Variants in DGKG observed in about 807,000 individuals in gnomAD.
The protein encoded by DGKG is DAG kinase gamma.
A neutral mutation model predicts 105.3 loss-of-function variants in DGKG; 78 were observed. That is an observed-to-expected ratio of 0.74 (90% confidence interval 0.62 to 0.89). The LOEUF (loss-of-function observed/expected upper bound fraction) is 0.89, where lower values mean the gene tolerates loss of function less well. Among genes scored for constraint, DGKG ranks in the 40% least tolerant of loss-of-function variants. The pLI, the probability that DGKG is intolerant of heterozygous loss-of-function variation, is 0.00. For missense variants in DGKG, 958 were observed against 1,020.1 expected (o/e 0.94, Z 0.83); for synonymous variants, 346 against 367.1 (o/e 0.94, Z 0.66).
intron 5 of DGKG, among the ~76,000 whole-genome samples, chr3:186,297,068 T>TCTCTCTCTCACACA: frequency 7.7e-6 from 1 of 130,506 alleles, no homozygotes; most frequent in South Asian, 2.8e-4. Flanking sequence ...TCTGTCTCTC[T>TCTCTCTCTCACACA]CACACACACA....
In DGKG at chr3:186,299,880, G is replaced by A. The variant is rs531946412; in HGVS notation, c.145-1651C>T. Among the ~76,000 whole-genome samples, 7 of 137,294 alleles carry A rather than the reference G, an allele frequency of 5.1e-5. No individual in the cohort carries two copies. The East Asian group carries it at 1.5e-3, about 30-fold the overall frequency. The allele number at this position is 137,294 out of a possible 152,430, so 90.1% of individuals were successfully genotyped here. A position where few individuals can be genotyped will look rare whatever the true frequency, so the allele number is the denominator to read the frequency against. ...GATAGAGCCTTGCTCTGTCACCCAGGCTGGAGTGTAGTGGCACGATCTCAG... is the reference window on the plus strand; with the variant it reads ...GATAGAGCCTTGCTCTGTCACCCAGACTGGAGTGTAGTGGCACGATCTCAG... On this transcript the variant is annotated intron_variant, in intron 3 of 24. Transcript: ENST00000265022.
At chr3:186,324,918 G>A (rs1173906179) in intron 1 of DGKG, among the ~76,000 whole-genome samples, 2 of 152,214 alleles carry the variant, frequency 1.3e-5, no homozygotes, top group Non-Finnish European at 2.9e-5. Flanking sequence ...ATTCACAGTA[G>A]CAAAGGCATG....
chr3:186,265,334 C>T, intron 13 of DGKG, 28 bp from the exon 14 acceptor site: 1 of 1,611,456 alleles, frequency 6.2e-7, no homozygotes, highest in Non-Finnish European at 8.5e-7. Context: ...AGACAAGCAT[C>T]TTTTGGAAAA....
At chr3:186,273,196 C>T (rs1722401646) in intron 10 of DGKG, among the ~76,000 whole-genome samples, 1 of 152,084 alleles carries the variant, frequency 6.6e-6, no homozygotes, top group African/African-American at 2.4e-5. Flanking sequence ...TTGTGTAAAG[C>T]ATCACGTGTC....
At chr3:186,247,945 T>A (rs1449084262) in intron 19 of DGKG, among the ~76,000 whole-genome samples, 1 of 152,146 alleles carries the variant, frequency 6.6e-6, no homozygotes, top group African/African-American at 2.4e-5. Context: ...GACAATTAAT[T>A]AGCCAGCCAG....
At chr3:186,260,924 T>C (rs1439681503) in intron 15 of DGKG, among the ~76,000 whole-genome samples, 1 of 152,032 alleles carries the variant, frequency 6.6e-6, no homozygotes, top group Non-Finnish European at 1.5e-5. Context: ...GACCCCCTCC[T>C]CCCCAGGGAG....
At chr3:186,304,236 T>A (rs1298466931) in intron 3 of DGKG, among the ~76,000 whole-genome samples, 1 of 152,184 alleles carries the variant, frequency 6.6e-6, no homozygotes, top group Admixed American at 6.5e-5. Context: ...GTTCCCGTGT[T>A]TTTGGAGCTG....
In DGKG at chr3:186,287,139, G is replaced by A. The variant is rs192258110; in HGVS notation, c.544+1571C>T. On this transcript the variant is annotated intron_variant, in intron 6 of 24. Transcript: ENST00000265022. ...AAGAGACATAATAACCAGTGGTGAT[G>A]TATGAATTTTACTCGGATCCTGATT... 2.1e-3 allele frequency among the ~76,000 whole-genome samples: 321 copies of A among 152,228 alleles called. 3 individuals carry two copies. The highest frequency in any genetic ancestry group is 7.5e-3 in the African/African-American group (312 of 41,542).
chr3:186,282,979 G>A (rs1279272975), intron 7 of DGKG, among the ~76,000 whole-genome samples: 2 of 151,604 alleles, frequency 1.3e-5, no homozygotes, highest in African/African-American at 4.8e-5. Flanking sequence ...CGTGATCTTG[G>A]CTCACTGCAA....
rs1289998674 is a variant in DGKG, at chr3:186,210,690, G to A, written c.1917+1105C>T. On this transcript the variant is annotated intron_variant, in intron 21 of 24. Coordinates refer to ENST00000265022, the MANE Select transcript of DGKG (RefSeq NM_001346.3). This position sits in a 1 kb window ranked among gnomAD's most constrained non-coding sequence, Gnocchi z 5.2. ...TTTCCTACACCACTCCAGGCCACAG[G>A]TGCCTCCTCCAGGGAGGCCCAGGCC... 5 of 446,462 alleles carry A rather than the reference G, an allele frequency of 1.1e-5. No individual in the cohort carries two copies. Among genetic ancestry groups the A allele is most frequent in the Non-Finnish European group, 1.8e-5 (4 of 223,248 alleles). 27.7% of individuals were successfully genotyped at this position (446,462 alleles called of 1,614,324 possible). A position where few individuals can be genotyped will look rare whatever the true frequency, so the allele number is the denominator to read the frequency against.
Position 186,148,546 on chromosome 3 carries a change from A to AT in DGKG, c.*1543_*1544insA, listed in dbSNP as rs1715603818. 1 of 985,278 alleles carries AT rather than the reference A, an allele frequency of 1.0e-6. No homozygotes were observed. The highest frequency in any genetic ancestry group is 1.2e-6 in the Non-Finnish European group (1 of 829,944). 61.0% of individuals were successfully genotyped at this position (985,278 alleles called of 1,614,324 possible). ...TGGCAACCTGGATCCAAGTGGACTC[A>AT]CTTTTCAGTGACCAGAAATGACCCT... On this transcript the variant is annotated 3_prime_UTR_variant, in exon 25 of 25. Coordinates refer to ENST00000265022, the MANE Select transcript of DGKG (RefSeq NM_001346.3).
chr3:186,209,093 CTTTTTTT>C (rs34226259), intron 21 of DGKG, among the ~76,000 whole-genome samples: 4 of 89,838 alleles, frequency 4.5e-5, no homozygotes, highest in African/African-American at 1.4e-4. Flanking sequence ...GTTTACTCTT[CTTTTTTT>C]TTTTTTTTTT....
chr3:186,189,559 T>C (rs1717806611), intron 21 of DGKG, among the ~76,000 whole-genome samples: 1 of 152,178 alleles, frequency 6.6e-6, no homozygotes, highest in African/African-American at 2.4e-5. Context: ...GTCTTTATGT[T>C]GTTTATTGGG....
chr3:186,304,130 T>C (rs1044524827), intron 3 of DGKG, among the ~76,000 whole-genome samples: 6 of 152,226 alleles, frequency 3.9e-5, no homozygotes, highest in Admixed American at 3.9e-4. Flanking sequence ...AAAGCTCCTG[T>C]GGCCTCCACA....
At chr3:186,243,844 G>A (rs113989053) in intron 19 of DGKG, among the ~76,000 whole-genome samples, 2 of 145,296 alleles carry the variant, frequency 1.4e-5, no homozygotes, top group African/African-American at 5.4e-5. Context: ...AGTGAATTTT[G>A]AATTTTCATC....
rs1318037669 is a variant in DGKG, at chr3:186,161,073, G to T, written c.2277+530C>A. ...CTCATTCAGTGGAATTTTCAAGTAGGTTATCAGGGCTTTGGGTGCACCGAC... is the reference window on the plus strand; with the variant it reads ...CTCATTCAGTGGAATTTTCAAGTAGTTTATCAGGGCTTTGGGTGCACCGAC... On this transcript the variant is annotated intron_variant, in intron 24 of 24. Transcript: ENST00000265022. 4 of 986,860 alleles carry T rather than the reference G, an allele frequency of 4.1e-6. No individual in the cohort carries two copies. In the African/African-American group the frequency reaches 7.0e-5, roughly 17 times the overall value. 61.1% of individuals were successfully genotyped at this position (986,860 alleles called of 1,614,324 possible). A position where few individuals can be genotyped will look rare whatever the true frequency, so the allele number is the denominator to read the frequency against.
At chr3:186,255,526 C>G (rs768151054) in intron 17 of DGKG, among the ~76,000 whole-genome samples, 38 of 152,146 alleles carry the variant, frequency 2.5e-4, no homozygotes, top group Non-Finnish European at 5.1e-4. Flanking sequence ...GACAGGGTGG[C>G]CAACTTGTGT....
chr3:186,282,758 C>T (rs533163753), intron 7 of DGKG, among the ~76,000 whole-genome samples: 4 of 152,184 alleles, frequency 2.6e-5, no homozygotes, highest in Middle Eastern at 3.4e-3. Flanking sequence ...TCTGGTGATC[C>T]GCCCACCTCA....
chr3:186,310,284 A>AAAAAAAAG (rs1560148148), intron 2 of DGKG, among the ~76,000 whole-genome samples: 2 of 149,716 alleles, frequency 1.3e-5, no homozygotes, highest in East Asian at 3.9e-4. Context: ...AAAAAAAAAA[A>AAAAAAAAG]AAAAACCACA....
Sources: gnomAD v4.1 joint callset for allele counts (sites outside exome capture counted in the v4.1 genomes callset) on GRCh38, gnomAD v4.1.1 for gene constraint, Gnocchi (gnomAD v3.1) non-coding constraint, MANE v1.5 for transcripts, NCBI Gene and HGNC (gene_info 2026-07-23, HGNC 2026-07-21) for gene names.